The following G2E3 variants were observed in gnomAD, a reference collection of about 807,000 sequenced individuals.
G2E3 encodes the protein G2/M phase-specific E3 ubiquitin-protein ligase.
A neutral mutation model predicts 92.8 loss-of-function variants in G2E3; 35 were observed. That is an observed-to-expected ratio of 0.38 (90% CI 0.29 to 0.50). The LOEUF is 0.50. Among genes scored for constraint, G2E3 ranks in the 20% least tolerant of loss-of-function variants. G2E3 has a pLI of 0.94. For missense variants in G2E3, 554 were observed against 823.8 expected, an observed-to-expected ratio of 0.67 and a Z score of 4.01; for synonymous variants, 242 against 272.4, an observed-to-expected ratio of 0.89 and a Z score of 1.10.
At chr14:30,592,628 G>A (rs983359450) in intron 5 of G2E3, among the ~76,000 whole-genome samples, 181 bp downstream of exon 5, 1 of 139,778 alleles carries the variant, frequency 7.2e-6, no homozygotes, top group Non-Finnish European at 1.5e-5. Flanking sequence ...CAAGTCTTGA[G>A]AATTACCATG....
chr14:30,601,343 C>T (rs898768901), intron 8 of G2E3, among the ~76,000 whole-genome samples: 3 of 152,090 alleles, frequency 2.0e-5, no homozygotes, highest in African/African-American at 7.2e-5. Flanking sequence ...CTGCACAATA[C>T]CTGAGGTGTT....
chr14:30,610,904 A>T (rs985168495), intron 12 of G2E3, among the ~76,000 whole-genome samples: 15 of 152,212 alleles, frequency 9.9e-5, no homozygotes, highest in Admixed American at 6.5e-5. Flanking sequence ...GACTGCTTTC[A>T]CGCTACAGTG....
intron 1 of G2E3, among the ~76,000 whole-genome samples, chr14:30,577,076 T>A (rs979290755): frequency 1.3e-5 from 2 of 151,756 alleles, no homozygotes; most frequent in African/African-American, 4.8e-5. Context: ...AATACAAAAA[T>A]TAGCTAGGCG....
chr14:30,586,228 C>T (rs1880706772), intron 2 of G2E3, among the ~76,000 whole-genome samples: 2 of 152,216 alleles, frequency 1.3e-5, no homozygotes, highest in African/African-American at 4.8e-5. Flanking sequence ...TTTACCCCCT[C>T]TTGGACCAGT....
intron 6 of G2E3, among the ~76,000 whole-genome samples, chr14:30,594,814 C>G (rs1219040452): frequency 1.4e-5 from 2 of 145,608 alleles, no homozygotes; most frequent in African/African-American, 5.1e-5. Flanking sequence ...AACTTTTATA[C>G]TTAGGATTAT....
At chr14:30,585,495 C>A (rs1337764371) in intron 2 of G2E3, among the ~76,000 whole-genome samples, 1 of 151,710 alleles carries the variant, frequency 6.6e-6, no homozygotes, top group African/African-American at 2.4e-5. Flanking sequence ...CTGGACTCTT[C>A]TTTTTCATTG....
intron 11 of G2E3, among the ~76,000 whole-genome samples, chr14:30,607,215 C>CA (rs1412877539): frequency 6.6e-5 from 10 of 151,886 alleles, no homozygotes; most frequent in Admixed American, 6.6e-4. Context: ...AAGCATAAGT[C>CA]AAACTTTTTA....
At chr14:30,585,218 A>G (rs944128683) in intron 2 of G2E3, among the ~76,000 whole-genome samples, 4 of 152,142 alleles carry the variant, frequency 2.6e-5, no homozygotes, top group Non-Finnish European at 4.4e-5. Context: ...TGCTTTTAGT[A>G]TCATGTGAAC....
intron 11 of G2E3, among the ~76,000 whole-genome samples, chr14:30,606,644 T>G (rs1483048391): frequency 6.6e-6 from 1 of 152,268 alleles, no homozygotes; most frequent in East Asian, 1.9e-4. Flanking sequence ...TGTACACATC[T>G]AGTTCTTTAC....
intron 1 of G2E3, among the ~76,000 whole-genome samples, chr14:30,575,168 A>G (rs964696878): frequency 1.6e-4 from 24 of 152,058 alleles, no homozygotes; most frequent in Admixed American, 3.9e-4. Flanking sequence ...CATTTCTCTA[A>G]TGATTAGTGA....
chr14:30,612,319 T>C lies in G2E3; in HGVS notation c.1613T>C (p.Met538Thr), dbSNP rs371320046. 1 of 1,607,276 alleles carries C rather than the reference T, an allele frequency of 6.2e-7. No individual in the cohort carries two copies. The highest frequency in any genetic ancestry group is 1.3e-5 in the African/African-American group (1 of 74,896). The part of the protein sequence containing the change: ...RLITTLSDKY[M>T]LVKDILGYHV... ...ATAACGACATTAAGTGATAAATATA[T>C]GTTAGTAAAAGACATACTTGGCTAC... Residue 538 changes from methionine to threonine, a missense_variant, in exon 13 of 15, where the codon ATG becomes ACG. By Grantham distance (81) the Met-to-Thr change is moderately conservative (BLOSUM62 -1). Around this residue, in one of 3 missense-constraint regions of G2E3, gnomAD observed 397 missense variants for 560.3 expected, o/e 0.71. Coordinates refer to ENST00000206595, the MANE Select transcript of G2E3 (RefSeq NM_017769.5).
intron 11 of G2E3, among the ~76,000 whole-genome samples, chr14:30,607,562 C>T (rs1881888843): frequency 6.6e-6 from 1 of 152,104 alleles, no homozygotes; most frequent in African/African-American, 2.4e-5. Context: ...TCATTATAAT[C>T]TTAGGGACCA....
chr14:30,569,289 C>T (rs1283235847), intron 1 of G2E3, among the ~76,000 whole-genome samples: 3 of 152,174 alleles, frequency 2.0e-5, no homozygotes, highest in African/African-American at 7.2e-5. Context: ...ATTCCTTTCA[C>T]CCTTCCTTCT....
chr14:30,608,572 C>T (rs1394949317), intron 12 of G2E3, among the ~76,000 whole-genome samples: 1 of 152,172 alleles, frequency 6.6e-6, no homozygotes, highest in Admixed American at 6.5e-5. Context: ...TGGTAGGGAT[C>T]GGGGAGGACT....
At chr14:30,583,691 T>C (rs1880552721) in intron 2 of G2E3, among the ~76,000 whole-genome samples, 1 of 152,210 alleles carries the variant, frequency 6.6e-6, no homozygotes, top group South Asian at 2.1e-4. Context: ...TGTGAAGTAA[T>C]GCATATGATA....
intron 1 of G2E3, among the ~76,000 whole-genome samples, chr14:30,567,809 A>G (rs191084921): frequency 6.6e-6 from 1 of 151,960 alleles, no homozygotes; most frequent in Admixed American, 6.6e-5. Context: ...CTTTTTGTCT[A>G]TTTAAAGTTG....
intron 10 of G2E3, among the ~76,000 whole-genome samples, chr14:30,604,953 A>G (rs1881758805): frequency 6.6e-6 from 1 of 151,984 alleles, no homozygotes; most frequent in Non-Finnish European, 1.5e-5. Context: ...CTGGAGTGCA[A>G]TGGCGTGATC....
chr14:30,580,163 A>G (rs1045219224), intron 1 of G2E3, among the ~76,000 whole-genome samples: 1 of 152,182 alleles, frequency 6.6e-6, no homozygotes, highest in African/African-American at 2.4e-5. Flanking sequence ...CAAATGCAAC[A>G]GCCACAAATA....
chr14:30,567,901 A>C (rs1036331651), intron 1 of G2E3, among the ~76,000 whole-genome samples: 4 of 151,956 alleles, frequency 2.6e-5, no homozygotes, highest in African/African-American at 7.3e-5. Flanking sequence ...ATTGGAGAGG[A>C]TATTTTGTGT....
Sources: allele counts gnomAD v4.1 joint callset (sites outside exome capture counted in the v4.1 genomes callset), GRCh38; gene constraint gnomAD v4.1.1; regional missense constraint gnomAD v4.1.1; transcripts MANE v1.5; gene names NCBI Gene and HGNC (gene_info 2026-07-23, HGNC 2026-07-21).